ASTN2: variants seen among roughly 807,000 people sequenced by gnomAD.
ASTN2 encodes astrotactin-2.
A neutral mutation model predicts 139.8 loss-of-function variants in ASTN2; 54 were observed. The observed-to-expected ratio is 0.39, with a 90% CI of 0.31 to 0.48. The LOEUF (loss-of-function observed/expected upper bound fraction) is 0.48, where lower values mean the gene tolerates loss of function less well. Ranked by LOEUF, ASTN2 falls within the 20% of genes least tolerant of loss-of-function variation. ASTN2 has a pLI of 0.95. For missense variants in ASTN2, 1,565 were observed against 1,725.1 expected (o/e 0.91, Z 1.64); for synonymous variants, 756 against 719.5 (o/e 1.05, Z -0.81).
intron 10 of ASTN2, among the ~76,000 whole-genome samples, chr9:116,947,967 C>T (rs142486696): frequency 0.016 from 2,506 of 152,262 alleles, 25 homozygotes; most frequent in South Asian, 0.068. Flanking sequence ...CTCAGTTTTT[C>T]CATGTCTTTC....
chr9:116,957,338 C>T (rs779648265), intron 10 of ASTN2, among the ~76,000 whole-genome samples: 1 of 151,892 alleles, frequency 6.6e-6, no homozygotes, highest in Admixed American at 6.6e-5. Context: ...TTTTTGTTTT[C>T]TTAAATACTT....
At chr9:116,565,387 CCATATATATA>C (rs1403413189) in intron 19 of ASTN2, among the ~76,000 whole-genome samples, 1,050 of 41,976 alleles carry the variant, frequency 0.025, 48 homozygotes, top group African/African-American at 0.055. Context: ...CTCTCTCTCT[CCATATATATA>C]TATATATATA....
chr9:116,657,855 T>C (rs73530812), intron 16 of ASTN2, among the ~76,000 whole-genome samples: 7,252 of 146,876 alleles, frequency 0.049, 567 homozygotes, highest in African/African-American at 0.17. Flanking sequence ...AAAAGGAATA[T>C]AAAAGAAAAA....
At chr9:116,735,040 A>G (rs905414307) in intron 13 of ASTN2, among the ~76,000 whole-genome samples, 3 of 152,190 alleles carry the variant, frequency 2.0e-5, no homozygotes, top group Admixed American at 6.5e-5. Context: ...CAAAAGATAG[A>G]TATTATTATC....
chr9:116,425,480 T>A lies in ASTN2; in HGVS notation c.*371A>T, dbSNP rs1295543823. On this transcript the variant is annotated 3_prime_UTR_variant, in exon 23 of 23. Coordinates refer to ENST00000313400, the MANE Select transcript of ASTN2 (RefSeq NM_001365068.1). ...TCCATAGGTCTCCTCCAGGGGTCCATGGCAGGAAGAAAGCAGAGTGTGGCA... is the reference window on the plus strand; with the variant it reads ...TCCATAGGTCTCCTCCAGGGGTCCAAGGCAGGAAGAAAGCAGAGTGTGGCA... 2.2e-6 allele frequency: 3 copies of A among 1,350,930 alleles called. No homozygotes were observed. Among genetic ancestry groups the A allele is most frequent in the Middle Eastern group, 3.7e-4 (2 of 5,462 alleles). 83.7% of individuals were successfully genotyped at this position (1,350,930 alleles called of 1,614,324 possible).
chr9:116,861,533 A>C (rs1247230954), intron 11 of ASTN2, among the ~76,000 whole-genome samples: 1 of 152,178 alleles, frequency 6.6e-6, no homozygotes, highest in East Asian at 1.9e-4. Context: ...CAATGGTCTG[A>C]GGCAGACAGC....
chr9:116,553,358 G>T (rs1330090422), intron 19 of ASTN2, among the ~76,000 whole-genome samples: 1 of 152,184 alleles, frequency 6.6e-6, no homozygotes, highest in Non-Finnish European at 1.5e-5. Context: ...AGGGAGGGAA[G>T]TCCAGAGAGT....
chr9:116,839,276 T>C (rs1168731003), intron 11 of ASTN2, among the ~76,000 whole-genome samples: 1 of 152,174 alleles, frequency 6.6e-6, no homozygotes, highest in East Asian at 1.9e-4. Context: ...GCCTCTCGAA[T>C]AGCTGGGACT....
chr9:116,771,987 A>G (rs1829963619), intron 13 of ASTN2, among the ~76,000 whole-genome samples: 1 of 152,260 alleles, frequency 6.6e-6, no homozygotes. Flanking sequence ...CTGGTGGTCA[A>G]TCTGATAGCT....
chr9:116,542,516 C>A (rs1851916328), intron 19 of ASTN2, among the ~76,000 whole-genome samples: 1 of 151,998 alleles, frequency 6.6e-6, no homozygotes, highest in Non-Finnish European at 1.5e-5. Flanking sequence ...TTAAAAACAA[C>A]TTAGAAAAAC....
chr9:116,834,672 T>C (rs1424463371), intron 11 of ASTN2, among the ~76,000 whole-genome samples: 1 of 152,216 alleles, frequency 6.6e-6, no homozygotes, highest in Non-Finnish European at 1.5e-5. Context: ...TTATAAGCAA[T>C]GTGAATTTCT....
At chr9:117,073,079 T>C (rs1192972333) in intron 5 of ASTN2, among the ~76,000 whole-genome samples, 2 of 152,094 alleles carry the variant, frequency 1.3e-5, no homozygotes, top group African/African-American at 4.8e-5. Context: ...AAAGATGATA[T>C]AGTGCAGCAC....
At chr9:117,279,607 T>A (rs1211518102) in intron 2 of ASTN2, among the ~76,000 whole-genome samples, 1 of 152,212 alleles carries the variant, frequency 6.6e-6, no homozygotes, top group Non-Finnish European at 1.5e-5. Flanking sequence ...AACATTCTTG[T>A]TTTGGGTTTT....
At chr9:117,058,946 G>C (rs755455697) in intron 5 of ASTN2, among the ~76,000 whole-genome samples, 45 of 152,320 alleles carry the variant, frequency 3.0e-4, no homozygotes, top group Non-Finnish European at 5.7e-4. Flanking sequence ...GGTAAGCAAA[G>C]GCATGCAAAA....
intron 5 of ASTN2, among the ~76,000 whole-genome samples, chr9:117,059,899 G>A (rs936547738): frequency 3.3e-5 from 5 of 152,166 alleles, no homozygotes; most frequent in African/African-American, 9.7e-5. Context: ...ATGCATCCTG[G>A]TTTATCTTTG....
intron 19 of ASTN2, among the ~76,000 whole-genome samples, chr9:116,501,164 A>G (rs1849840583): frequency 6.6e-6 from 1 of 152,138 alleles, no homozygotes; most frequent in Non-Finnish European, 1.5e-5. Flanking sequence ...CCCAAGTCTG[A>G]CCAGGACTCC....
chr9:116,515,798 G>A (rs886358285), intron 19 of ASTN2, among the ~76,000 whole-genome samples: 1 of 152,104 alleles, frequency 6.6e-6, no homozygotes, highest in Non-Finnish European at 1.5e-5. Flanking sequence ...GAAGTGATTA[G>A]TCACAAATAA....
intron 1 of ASTN2, among the ~76,000 whole-genome samples, chr9:117,308,843 G>A (rs1289435015): frequency 3.3e-5 from 5 of 152,116 alleles, no homozygotes; most frequent in Admixed American, 1.3e-4. Context: ...GCAGTGAGGG[G>A]ACAGAACAGG....
chr9:116,955,992 A>G (rs1338167216), intron 10 of ASTN2, among the ~76,000 whole-genome samples: 5 of 152,198 alleles, frequency 3.3e-5, no homozygotes, highest in African/African-American at 1.2e-4. Flanking sequence ...GAATTTCCCA[A>G]CATTGGCTGT....
Sources: allele counts gnomAD v4.1 joint callset (sites outside exome capture counted in the v4.1 genomes callset), GRCh38; gene constraint gnomAD v4.1.1; transcripts MANE v1.5; gene names NCBI Gene and HGNC (gene_info 2026-07-23, HGNC 2026-07-21).